KIR2DL1: variants seen among roughly 807,000 people sequenced by gnomAD.
KIR2DL1 encodes the protein killer cell immunoglobulin like receptor, two Ig domains and long cytoplasmic tail 1, also known as killer cell immunoglobulin-like receptor 2DL1.
KIR2DL1 carries 38 observed loss-of-function variants against 33.9 expected under a neutral mutation model. The ratio of observed to expected loss-of-function variants is 1.12; its 90% CI spans 0.86 to 1.47. KIR2DL1 has a LOEUF of 1.47. Among genes scored for constraint, KIR2DL1 ranks in the 40% most tolerant of loss-of-function variants. The probability of loss-of-function intolerance (pLI) is 0.00; values close to 1 mark genes in which losing one functional copy is unlikely to be tolerated. For synonymous variants in KIR2DL1, 179 were observed against 165.9 expected (o/e 1.08, Z -0.61); for missense variants, 531 against 433.9 (o/e 1.22, Z -1.99).
rs2076930424 is a variant in KIR2DL1, at chr19:54,781,458, C to G, written c.716-1464C>G. Among the ~76,000 whole-genome samples, 3 of 150,792 alleles carry G rather than the reference C, an allele frequency of 2.0e-5. No individual in the cohort carries two copies. In the South Asian group the frequency reaches 6.3e-4, roughly 32 times the overall value. On this transcript the variant is annotated intron_variant, in intron 5 of 7. Transcript: ENST00000336077. ...AAACTTGCCCACTCACCCAAATCCC[C>G]CACCTCACCCCTACTTCCAATCACC...
chr19:54,772,731 A>C (rs1327999909), intron 2 of KIR2DL1, among the ~76,000 whole-genome samples: 1 of 144,238 alleles, frequency 6.9e-6, no homozygotes, highest in African/African-American at 2.5e-5. Flanking sequence ...AATTAAAGAA[A>C]CCAAACAAGG....
chr19:54,772,350 C>A (rs2075829395), intron 2 of KIR2DL1, among the ~76,000 whole-genome samples: 1 of 147,564 alleles, frequency 6.8e-6, no homozygotes, highest in South Asian at 2.1e-4. Context: ...AGTCAAGGAA[C>A]TGATTCTCCT....
intron 5 of KIR2DL1, among the ~76,000 whole-genome samples, chr19:54,781,672 A>T (rs2076966437): frequency 6.6e-6 from 1 of 152,054 alleles, no homozygotes; most frequent in Non-Finnish European, 1.5e-5. Context: ...TCTCGGGTAG[A>T]ACAGCAGCCT....
At chr19:54,774,122 G>T (rs2076067820) in intron 3 of KIR2DL1, among the ~76,000 whole-genome samples, 1 of 148,638 alleles carries the variant, frequency 6.7e-6, no homozygotes. Flanking sequence ...ATCGTCCCAG[G>T]ATATCATGGC....
Position 54,780,515 on chromosome 19 carries a change from T to A in KIR2DL1, c.715+1853T>A, listed in dbSNP as rs575254760. 4.0e-3 allele frequency among the ~76,000 whole-genome samples: 571 copies of A among 143,256 alleles called. 3 individuals are homozygous for A. The highest frequency in any genetic ancestry group is 0.014 in the African/African-American group (548 of 38,420). 94.0% of individuals were successfully genotyped at this position (143,256 alleles called of 152,430 possible). ...GCAACAAGGAGTGTGTGTTTGACAC[T>A]CACAGCCATTGGATTCACCTCGGGG... On this transcript the variant is annotated intron_variant, in intron 5 of 7. Coordinates refer to ENST00000336077, the MANE Select transcript of KIR2DL1 (RefSeq NM_014218.3).
At chr19:54,770,089 A>C (rs1163606771) in intron 1 of KIR2DL1, among the ~76,000 whole-genome samples, 1 of 134,650 alleles carries the variant, frequency 7.4e-6, no homozygotes, top group Non-Finnish European at 1.6e-5. Flanking sequence ...AGGTGGAGTG[A>C]TGGGACTGTA....
intron 6 of KIR2DL1, among the ~76,000 whole-genome samples, chr19:54,783,250 T>A (rs2077248167): frequency 1.3e-5 from 2 of 151,652 alleles, no homozygotes; most frequent in East Asian, 3.9e-4. Context: ...GCCACTCACA[T>A]CCAGGAGAAG....
At chr19:54,783,566 G>A (rs764462841) in intron 7 of KIR2DL1, 28 bp downstream of exon 7, 11 of 1,613,900 alleles carry the variant, frequency 6.8e-6, no homozygotes, top group Non-Finnish European at 9.3e-6. Flanking sequence ...CGGGCTCGTG[G>A]CTACTGTTAT....
chr19:54,773,364 C>T lies in KIR2DL1; in HGVS notation c.102C>T (p.His34=), dbSNP rs767680044. The stretch of plus-strand genomic sequence containing the variant: ...ACAGAAAACCTTCCCTCCTGGCCCA[C>T]CCAGGTCGCCTGGTGAAATCAGAAG... ...GVHRKPSLLA[H]PGRLVKSEET... The change falls in exon 3 of 8, where the codon CAC becomes CAT. Residue 34 remains histidine (H), a synonymous_variant. Transcript: ENST00000336077. 14 of 1,599,588 alleles carry T rather than the reference C, an allele frequency of 8.8e-6. 2 individuals carry two copies. The African/African-American group carries it at 1.4e-4, about 15-fold the overall frequency.
At position 54,782,952 on chromosome 19, in the gene KIR2DL1, G is replaced by A. The variant is rs769518701; in HGVS notation, c.746G>A (p.Gly249Glu). 1 of 1,613,476 alleles carries A rather than the reference G, an allele frequency of 6.2e-7. No individual in the cohort carries two copies. The highest frequency in any genetic ancestry group is 8.5e-7 in the Non-Finnish European group (1 of 1,179,856). Residue 249 changes from glycine to glutamate, a missense_variant, in exon 6 of 8, where the codon GGG becomes GAG. Gly to Glu is a moderately conservative substitution (Grantham distance 98). Transcript: ENST00000336077. The part of the protein sequence containing the change: ...GNPRHLHILI[G>E]TSVVIILFIL... ...CCCCGACACCTGCACATTCTGATTG[G>A]GACCTCAGTGGTCATCATCCTCTTC...
chr19:54,770,034 C>G, intron 1 of KIR2DL1, 150 bp downstream of exon 1: 1 of 1,012,334 alleles, frequency 9.9e-7, no homozygotes, highest in Non-Finnish European at 1.5e-6. Context: ...GAGTGATGGG[C>G]CTAGAAGTGG....
chr19:54,773,547 A>G lies in KIR2DL1; in HGVS notation c.285A>G (p.Ala95=). 1 of 1,582,930 alleles carries G rather than the reference A, an allele frequency of 6.3e-7. No individual in the cohort carries two copies. The highest frequency in any genetic ancestry group is 8.7e-7 in the Non-Finnish European group (1 of 1,155,116). The change falls in exon 3 of 8, where the codon GCA becomes GCG. Residue 95 remains alanine (A), a synonymous_variant. Coordinates refer to ENST00000336077, the MANE Select transcript of KIR2DL1 (RefSeq NM_014218.3). ...FSISRMTQDL[A]GTYRCYGSVT... ...TCAGTCGCATGACGCAAGACCTGGC[A>G]GGGACCTACAGATGCTACGGTTCTG...
Position 54,784,214 on chromosome 19 carries a change from A to G in KIR2DL1, c.*401A>G, listed in dbSNP as rs764376381. The G allele has an allele frequency of 6.5e-4, 218 of 332,938 alleles. No homozygotes were observed. In the South Asian group the frequency reaches 8.1e-3, roughly 12 times the overall value. 20.6% of individuals were successfully genotyped at this position (332,938 alleles called of 1,614,324 possible). A position where few individuals can be genotyped will look rare whatever the true frequency, so the allele number is the denominator to read the frequency against. On this transcript the variant is annotated 3_prime_UTR_variant, in exon 8 of 8. Coordinates refer to ENST00000336077, the MANE Select transcript of KIR2DL1 (RefSeq NM_014218.3). ...GTTCCACCTTCCCTCATGCTGTTCC[A>G]CCTCCCCTCAGACTAGCTTTCAGTC...
intron 3 of KIR2DL1, among the ~76,000 whole-genome samples, chr19:54,774,653 C>G (rs28526209): frequency 0.13 from 17,148 of 130,722 alleles, 8 homozygotes; most frequent in South Asian, 0.22. Context: ...CATAGAGATA[C>G]AGAGGCAGAC....
At chr19:54,775,493 AT>A (rs2076225242) in intron 4 of KIR2DL1, 35 bp downstream of exon 4, 1 of 1,549,388 alleles carries the variant, frequency 6.5e-7, no homozygotes, top group Non-Finnish European at 8.8e-7. Flanking sequence ...ATGTCCTATG[AT>A]CCTAGAGCCT....
At chr19:54,778,527 T>C (rs2076606163) in intron 4 of KIR2DL1, 85 bp from the exon 5 acceptor site, 1 of 1,316,932 alleles carries the variant, frequency 7.6e-7, no homozygotes, top group Non-Finnish European at 1.1e-6. Flanking sequence ...AAGAGAGTGT[T>C]GGCCATGAAC....
intron 5 of KIR2DL1, among the ~76,000 whole-genome samples, chr19:54,782,069 C>G (rs677403): frequency 0.27 from 41,066 of 149,694 alleles, 2,807 homozygotes; most frequent in South Asian, 0.32. Context: ...TTCAATGTGA[C>G]CCAGTCCCTC....
At position 54,775,199 on chromosome 19, in the gene KIR2DL1, G is replaced by C. The variant is rs779886585; in HGVS notation, c.405G>C (p.Leu135=). The C allele has an allele frequency of 1.1e-5, 17 of 1,593,810 alleles. 1 individual carries two copies. Among genetic ancestry groups the C allele is most frequent in the Non-Finnish European group, 1.3e-5 (15 of 1,165,740 alleles). ...LYEKPSLSAQ[L]GPTVLAGENV... ...AGAAACCTTCTCTCTCAGCCCAGCT[G>C]GGCCCCACGGTTCTGGCAGGAGAGA... Residue 135 remains leucine (L), a synonymous_variant, in exon 4 of 8, where the codon CTG becomes CTC. Coordinates refer to ENST00000336077, the MANE Select transcript of KIR2DL1 (RefSeq NM_014218.3).
At chr19:54,783,113 A>T in intron 6 of KIR2DL1, 90 bp downstream of exon 6, 1 of 1,457,694 alleles carries the variant, frequency 6.9e-7, no homozygotes, top group African/African-American at 1.4e-5. Context: ...CACAAACAGG[A>T]TGGTCCCTGG....
Sources: gnomAD v4.1 joint callset for allele counts (sites outside exome capture counted in the v4.1 genomes callset) on GRCh38, gnomAD v4.1.1 for gene constraint, MANE v1.5 for transcripts, NCBI Gene and HGNC (gene_info 2026-07-23, HGNC 2026-07-21) for gene names.